Variants in TMEM120B observed in about 807,000 individuals in gnomAD.
The protein encoded by TMEM120B is transmembrane protein 120B.
Under a neutral mutation model 55.5 loss-of-function variants are expected in TMEM120B, and 31 were observed. The ratio of observed to expected loss-of-function variants is 0.56; its 90% CI spans 0.42 to 0.75. The LOEUF (loss-of-function observed/expected upper bound fraction) is 0.75, where lower values mean the gene tolerates loss of function less well. Ranked by LOEUF, TMEM120B falls within the 30% of genes least tolerant of loss-of-function variation. TMEM120B has a pLI of 0.00. For missense variants in TMEM120B, 399 were observed against 425.5 expected (o/e 0.94, Z 0.55); for synonymous variants, 203 against 176.3 (o/e 1.15, Z -1.20).
Position 121,761,728 on chromosome 12 carries a change from A to G in TMEM120B, c.541A>G (p.Asn181Asp). Residue 181 changes from asparagine to aspartate, a missense_variant, in exon 6 of 12, where the codon AAC (asparagine) becomes GAC (aspartate). Asn to Asp is a conservative substitution (Grantham distance 23, BLOSUM62 1). Coordinates refer to ENST00000449592, the MANE Select transcript of TMEM120B (RefSeq NM_001080825.2). ...CATTCGGGAGAGCATTCTCATCAGC[A>G]ACGGCTCAAGGTACCTGGGCACCTG... ...LTIRESILIS[N>D]GSRIKGWWVS... 6.2e-7 allele frequency: 1 copy of G among 1,613,796 alleles called. No individual in the cohort carries two copies. The highest frequency in any genetic ancestry group is 8.5e-7 in the Non-Finnish European group (1 of 1,179,800).
intron 1 of TMEM120B, among the ~76,000 whole-genome samples, chr12:121,739,041 A>T (rs994404440): frequency 6.6e-6 from 1 of 152,038 alleles, no homozygotes; most frequent in Non-Finnish European, 1.5e-5. Context: ...AAATACAAAA[A>T]TTAGCTGGGT....
intron 1 of TMEM120B, among the ~76,000 whole-genome samples, chr12:121,742,939 T>G (rs1872976404): frequency 6.6e-6 from 1 of 152,182 alleles, no homozygotes; most frequent in South Asian, 2.1e-4. Context: ...TGTTGGTGTT[T>G]GTCTTAGAAG....
intron 5 of TMEM120B, among the ~76,000 whole-genome samples, chr12:121,754,954 A>AT (rs1873437535): frequency 6.6e-6 from 1 of 152,144 alleles, no homozygotes. Flanking sequence ...TTCTTGACAG[A>AT]TACAGTGAGC....
At chr12:121,717,424 A>G (rs1421128859) in intron 1 of TMEM120B, among the ~76,000 whole-genome samples, 1 of 152,204 alleles carries the variant, frequency 6.6e-6, no homozygotes, top group Non-Finnish European at 1.5e-5. Flanking sequence ...GCTCGAAGCA[A>G]GAAGATCAGC....
rs1874286945 is a variant in TMEM120B, at chr12:121,777,610, GC to G, written c.*1889del. The G allele has an allele frequency of 6.6e-6, 1 of 152,218 alleles. No homozygotes were observed. Among genetic ancestry groups the G allele is most frequent in the South Asian group, 2.1e-4 (1 of 4,834 alleles). The allele number at this position is 152,218 out of a possible 1,614,324, so 9.4% of individuals were successfully genotyped here. A position where few individuals can be genotyped will look rare whatever the true frequency, so the allele number is the denominator to read the frequency against. ...CCTTTCTGGTCCTTTTTAGGCACCTGCGTTTGCCCTAGATTAGGAGTCAGCT... is the reference window on the plus strand; with the variant it reads ...CCTTTCTGGTCCTTTTTAGGCACCTGGTTTGCCCTAGATTAGGAGTCAGCT... On this transcript the variant is annotated 3_prime_UTR_variant, in exon 12 of 12. Transcript: ENST00000449592.
chr12:121,773,115 T>C (rs1038850885), intron 8 of TMEM120B, among the ~76,000 whole-genome samples: 1 of 152,248 alleles, frequency 6.6e-6, no homozygotes, highest in Admixed American at 6.5e-5. Context: ...ATAGCTTGCA[T>C]TCCAGCAAGC....
At chr12:121,732,482 CAG>C (rs763754486) in intron 1 of TMEM120B, among the ~76,000 whole-genome samples, 7 of 152,098 alleles carry the variant, frequency 4.6e-5, no homozygotes, top group Non-Finnish European at 4.4e-5. Context: ...CCTCGTGTAT[CAG>C]GGGACAAAAT....
intron 6 of TMEM120B, among the ~76,000 whole-genome samples, chr12:121,769,152 A>G (rs1873944046): frequency 8.0e-6 from 1 of 125,114 alleles, no homozygotes; most frequent in South Asian, 2.5e-4. Flanking sequence ...TCAAAAAAAA[A>G]AAAAAAAGGC....
At chr12:121,764,489 C>G (rs1873782539) in intron 6 of TMEM120B, among the ~76,000 whole-genome samples, 1 of 151,884 alleles carries the variant, frequency 6.6e-6, no homozygotes, top group African/African-American at 2.4e-5. Flanking sequence ...CCACTGCACT[C>G]CAGCCTGGGC....
At chr12:121,763,124 C>T (rs1258950040) in intron 6 of TMEM120B, among the ~76,000 whole-genome samples, 2 of 149,188 alleles carry the variant, frequency 1.3e-5, no homozygotes, top group East Asian at 2.0e-4. Flanking sequence ...GGTCTAATTC[C>T]TTTTGGGGGT....
chr12:121,720,841 T>C (rs1894778109), intron 1 of TMEM120B, among the ~76,000 whole-genome samples: 1 of 152,204 alleles, frequency 6.6e-6, no homozygotes, highest in South Asian at 2.1e-4. Context: ...CTTCTGATGC[T>C]CCTGGGCCAG....
intron 8 of TMEM120B, among the ~76,000 whole-genome samples, chr12:121,773,146 A>C (rs565723728): frequency 6.6e-6 from 1 of 152,222 alleles, no homozygotes; most frequent in South Asian, 2.1e-4. Flanking sequence ...TGTCTACTGC[A>C]TGGAAAATTC....
At position 121,764,715 on chromosome 12, in the gene TMEM120B, A is replaced by T. The variant is rs114436522; in HGVS notation, c.551+2977A>T. On this transcript the variant is annotated intron_variant, in intron 6 of 11. Coordinates refer to ENST00000449592, the MANE Select transcript of TMEM120B (RefSeq NM_001080825.2). ...TAGCAATCATTAACACTTTAGTAAG[A>T]GTTACTCTGGGCAGCTTTTTATTCT... 7.6e-3 allele frequency among the ~76,000 whole-genome samples: 1,152 copies of T among 151,828 alleles called. 9 individuals are homozygous for T. The highest frequency in any genetic ancestry group is 0.023 in the African/African-American group (944 of 41,366).
Position 121,726,862 on chromosome 12 carries a change from C to G in TMEM120B, c.69+13898C>G, listed in dbSNP as rs1417698849. On this transcript the variant is annotated intron_variant, in intron 1 of 11. Transcript: ENST00000449592. The stretch of plus-strand genomic sequence containing the variant: ...GATGGAGGTTGCAGTGAACTGAGGT[C>G]TTGCCATTGCACTTCAGCCTGGGCA... Among the ~76,000 whole-genome samples the G allele has an allele frequency of 7.6e-5, 10 of 131,664 alleles. No individual in the cohort carries two copies. The Admixed American group carries it at 8.0e-4, about 10-fold the overall frequency. The allele number at this position is 131,664 out of a possible 152,430, so 86.4% of individuals were successfully genotyped here.
chr12:121,774,084 T>A (rs772111450), intron 9 of TMEM120B, among the ~76,000 whole-genome samples: 38 of 151,724 alleles, frequency 2.5e-4, no homozygotes, highest in Non-Finnish European at 5.4e-4. Flanking sequence ...GCCTCCTGAG[T>A]AGCTGGGATT....
At chr12:121,728,479 A>G (rs1305999504) in intron 1 of TMEM120B, among the ~76,000 whole-genome samples, 1 of 144,838 alleles carries the variant, frequency 6.9e-6, no homozygotes, top group Non-Finnish European at 1.5e-5. Flanking sequence ...ACAGAGCGAG[A>G]CTCCGTCTCA....
chr12:121,756,362 A>G (rs1873475444), intron 5 of TMEM120B, among the ~76,000 whole-genome samples: 1 of 152,162 alleles, frequency 6.6e-6, no homozygotes, highest in Non-Finnish European at 1.5e-5. Flanking sequence ...GTCGGGCCTG[A>G]TGGCATGCAT....
At chr12:121,759,085 C>T in intron 5 of TMEM120B, 4 of 937,314 alleles carry the variant, frequency 4.3e-6, no homozygotes, top group Non-Finnish European at 5.1e-6. Flanking sequence ...TAGCTTAACA[C>T]TGCAGACAAC....
At position 121,748,335 on chromosome 12, in the gene TMEM120B, C is replaced by T. The variant is rs1330102524; in HGVS notation, c.198C>T (p.Arg66=). The change falls in exon 3 of 12, where the codon CGC becomes CGT. Residue 66 remains arginine, a synonymous_variant. Transcript: ENST00000449592. Reference sequence around the variant, plus strand: ...GCATCTCTGTCCGCAGGTGCAAACGCCATGCCAGTCGGGAGGAGGCGGAGC... The same window carrying T: ...GCATCTCTGTCCGCAGGTGCAAACGTCATGCCAGTCGGGAGGAGGCGGAGC... The part of the protein sequence containing the change: ...DLKLTLQRCK[R]HASREEAELV... 2.5e-6 allele frequency: 4 copies of T among 1,610,104 alleles called. No homozygotes were observed. In the African/African-American group the frequency reaches 4.0e-5, roughly 16 times the overall value.
Sources: gnomAD v4.1 joint callset for allele counts (sites outside exome capture counted in the v4.1 genomes callset) on GRCh38, gnomAD v4.1.1 for gene constraint, MANE v1.5 for transcripts, NCBI Gene and HGNC (gene_info 2026-07-23, HGNC 2026-07-21) for gene names.